The following APC2 variants were observed in gnomAD, a reference collection of about 807,000 sequenced individuals.
APC2 encodes adenomatous polyposis coli protein 2.
Under a neutral mutation model 72.5 loss-of-function variants are expected in APC2, and 41 were observed. The ratio of observed to expected loss-of-function variants is 0.57; its 90% CI spans 0.44 to 0.73. APC2 has a LOEUF of 0.73. APC2 is among the 30% of genes least tolerant of loss of function. The probability of loss-of-function intolerance (pLI) is 0.00; values close to 1 mark genes in which losing one functional copy is unlikely to be tolerated. For missense variants in APC2, 3,729 were observed against 3,403.4 expected, an observed-to-expected ratio of 1.10 and a Z score of -2.38; for synonymous variants, 1,898 against 1,612.0, an observed-to-expected ratio of 1.18 and a Z score of -4.25.
intron 14 of APC2, among the ~76,000 whole-genome samples, chr19:1,462,903 G>A (rs142435743): frequency 0.025 from 3,651 of 148,410 alleles, 166 homozygotes; most frequent in African/African-American, 0.086. Context: ...CCCGGGAGGC[G>A]GAGCTTGCAG....
At position 1,469,715 on chromosome 19, in the gene APC2, G is replaced by T. The variant is rs778683957; in HGVS notation, c.6414G>T (p.Arg2138Ser). 2 of 1,448,174 alleles carry T rather than the reference G, an allele frequency of 1.4e-6. No homozygotes were observed. Among genetic ancestry groups the T allele is most frequent in the Non-Finnish European group, 1.8e-6 (2 of 1,107,178 alleles). The allele number at this position is 1,448,174 out of a possible 1,614,324, so 89.7% of individuals were successfully genotyped here. ...ACGGGGAGCCCCGGCCGCTCCCCAG[G>T]GTGGCCGCGCCGGGCACGACCTGGC... is the stretch of plus-strand genomic sequence containing the variant. ...SSDGEPRPLP[R>S]VAAPGTTWRR... Residue 2138 changes from arginine to serine, a missense_variant, in exon 15 of 15, where the codon AGG (arginine) becomes AGT (serine). Coordinates refer to ENST00000590469, the MANE Select transcript of APC2 (RefSeq NM_005883.3).
intron 9 of APC2, 40 bp downstream of exon 9, chr19:1,457,283 C>G (rs1379803511): frequency 2.0e-6 from 3 of 1,484,922 alleles, no homozygotes; most frequent in Admixed American, 2.4e-5. Flanking sequence ...GCGCAATTAA[C>G]GTGCAGCTAG....
rs937121290 is a variant in APC2, at chr19:1,469,909, C to G, written c.6608C>G (p.Ser2203Cys). 3 of 1,522,940 alleles carry G rather than the reference C, an allele frequency of 2.0e-6. No homozygotes were observed. The highest frequency in any genetic ancestry group is 2.4e-5 in the South Asian group (2 of 83,148). The allele number at this position is 1,522,940 out of a possible 1,614,324, so 94.3% of individuals were successfully genotyped here. ...GAGGTCGCCGCCCCCAAGACCAACT[C>G]CAGCACGTCCCCGAGCCTGGAGACC... is the stretch of plus-strand genomic sequence containing the variant. ...TEEVAAPKTN[S>C]STSPSLETRE... Residue 2203 changes from serine to cysteine, a missense_variant, in exon 15 of 15, where the codon TCC becomes TGC. Ser to Cys is a moderately radical substitution (Grantham distance 112). Transcript: ENST00000590469.
At position 1,460,768 on chromosome 19, in the gene APC2, A is replaced by T; in HGVS notation, c.1444-12A>T. On this transcript the variant is annotated splice_polypyrimidine_tract_variant and intron_variant, in intron 11 of 14. Coordinates refer to ENST00000590469, the MANE Select transcript of APC2 (RefSeq NM_005883.3). ...CCCAACCCCGTGACCCCGGCTGCAT[A>T]ACCCCCAACAGGCCACCCTGTGTGC... is the stretch of plus-strand genomic sequence containing the variant. The T allele has an allele frequency of 6.2e-7, 1 of 1,611,690 alleles. No homozygotes were observed. The highest frequency in any genetic ancestry group is 8.5e-7 in the Non-Finnish European group (1 of 1,178,976).
intron 10 of APC2, chr19:1,458,291 GGGGTGA>G (rs2083870180): frequency 7.0e-6 from 4 of 569,464 alleles, no homozygotes; most frequent in African/African-American, 1.9e-5. Flanking sequence ...TGAGGCTTCG[GGGGTGA>G]CTTTCAGCCC....
chr19:1,454,600 G>A (rs1391673693), intron 4 of APC2, among the ~76,000 whole-genome samples: 1 of 128,796 alleles, frequency 7.8e-6, no homozygotes, highest in Non-Finnish European at 1.6e-5. Context: ...GTCTCGCTCT[G>A]TCGCCCAAGC....
chr19:1,461,219 G>T, intron 13 of APC2, 66 bp downstream of exon 13: 1 of 1,402,050 alleles, frequency 7.1e-7, no homozygotes. Flanking sequence ...GGCGGCAGCG[G>T]GCGAGCTCTC....
rs1444389972 is a variant in APC2, at chr19:1,457,082, C to T, written c.1046C>T (p.Ala349Val). The change falls in exon 9 of 15, where the codon GCG becomes GTG. Residue 349 changes from alanine (A) to valine (V), a missense_variant. By Grantham distance (64) the Ala-to-Val change is moderately conservative. Transcript: ENST00000590469. ...GAKDARMRAN[A>V]ALHNIVFSQP... The stretch of plus-strand genomic sequence containing the variant: ...AAGGACGCACGCATGCGCGCCAACG[C>T]GGCGCTGCACAACATCGTCTTCTCG... 1.3e-6 allele frequency: 2 copies of T among 1,562,324 alleles called. No individual in the cohort carries two copies. The highest frequency in any genetic ancestry group is 8.6e-7 in the Non-Finnish European group (1 of 1,160,318).
chr19:1,457,821 T>C (rs2083859184), intron 9 of APC2, 144 bp from the exon 10 acceptor site: 3 of 693,980 alleles, frequency 4.3e-6, no homozygotes, highest in South Asian at 1.7e-5. Flanking sequence ...TTAGAGAGGC[T>C]GGGAAAGGAA....
In APC2 at chr19:1,470,245, C is replaced by A; in HGVS notation, c.*32C>A. On this transcript the variant is annotated 3_prime_UTR_variant, in exon 15 of 15. Coordinates refer to ENST00000590469, the MANE Select transcript of APC2 (RefSeq NM_005883.3). ...AGGCCGGCCTTCTGGAACGTTCTCT[C>A]CCGGCCCTGCGGCGCGGTCTGGCTG... 6.5e-7 allele frequency: 1 copy of A among 1,539,704 alleles called. No homozygotes were observed.
rs1283759882 is a variant in APC2, at chr19:1,456,904, G to A, written c.868G>A (p.Asp290Asn). ...CATGTTGGCGACGCGCGACCAGGAG[G>A]ATACAGCGCGCACGCTGCTGGCCAT... Reference protein sequence around the residue: ...LSMLATRDQEDTARTLLAMSS... With the variant: ...LSMLATRDQENTARTLLAMSS... Residue 290 changes from aspartate (D) to asparagine (N), a missense_variant, in exon 9 of 15, where the codon GAT becomes AAT. By Grantham distance (23) the Asp-to-Asn change is conservative. Coordinates refer to ENST00000590469, the MANE Select transcript of APC2 (RefSeq NM_005883.3). The A allele has an allele frequency of 3.8e-6, 6 of 1,585,180 alleles. No individual in the cohort carries two copies. In the Admixed American group the frequency reaches 8.6e-5, roughly 23 times the overall value.
At chr19:1,461,229 C>A in intron 13 of APC2, 76 bp downstream of exon 13, 1 of 1,310,984 alleles carries the variant, frequency 7.6e-7, no homozygotes, top group African/African-American at 1.4e-5. Context: ...GGCGAGCTCT[C>A]CGACTTGGGA....
Position 1,469,018 on chromosome 19 carries a change from C to A in APC2, c.5717C>A (p.Ser1906Tyr), listed in dbSNP as rs1486294331. 6.5e-7 allele frequency: 1 copy of A among 1,549,596 alleles called. No individual in the cohort carries two copies. The highest frequency in any genetic ancestry group is 8.7e-7 in the Non-Finnish European group (1 of 1,150,888). Residue 1906 changes from serine to tyrosine, a missense_variant, in exon 15 of 15, where the codon TCC becomes TAC. Transcript: ENST00000590469. Reference sequence around the variant, plus strand: ...GGGGCCCTGCCCGGCCCCGGAGCCTCCCCGGTGCCCAAAACGCCGGCGCGC... The same window carrying A: ...GGGGCCCTGCCCGGCCCCGGAGCCTACCCGGTGCCCAAAACGCCGGCGCGC... ...AAGALPGPGA[S>Y]PVPKTPARTL...
intron 9 of APC2, 70 bp from the exon 10 acceptor site, chr19:1,457,895 C>CGGGGGGAGGGG (rs71174372): frequency 2.4e-6 from 3 of 1,251,678 alleles, no homozygotes; most frequent in African/African-American, 5.0e-5. Flanking sequence ...GGGCGGGTTG[C>CGGGGGGAGGGG]GGGACCTTCG....
rs752142648 is a variant in APC2, at chr19:1,465,942, C to A, written c.2641C>A (p.Gln881Lys). Reference sequence around the variant, plus strand: ...CAGCCTCAGCTCTGGAGACCCGGGACAGGAGGCGCCACGGGAGGGCCGCGC... The same window carrying A: ...CAGCCTCAGCTCTGGAGACCCGGGAAAGGAGGCGCCACGGGAGGGCCGCGC... The part of the protein sequence containing the change: ...SFSLSSGDPG[Q>K]EAPREGRAQS... Residue 881 changes from glutamine (Q) to lysine (K), a missense_variant, in exon 15 of 15, where the codon CAG becomes AAG. Coordinates refer to ENST00000590469, the MANE Select transcript of APC2 (RefSeq NM_005883.3). 5 of 1,580,862 alleles carry A rather than the reference C, an allele frequency of 3.2e-6. No individual in the cohort carries two copies. Among genetic ancestry groups the A allele is most frequent in the Non-Finnish European group, 4.3e-6 (5 of 1,169,152 alleles).
In APC2 at chr19:1,469,768, A is replaced by G. The variant is rs1335434290; in HGVS notation, c.6467A>G (p.His2156Arg). The change falls in exon 15 of 15, where the codon CAC becomes CGC. Residue 2156 changes from histidine to arginine, a missense_variant. Transcript: ENST00000590469. ...CGCATCCGAGATGAGGACGTGCCCC[A>G]CATCCTGCGCAGCACGCTTCCCGCC... ...WRRIRDEDVP[H>R]ILRSTLPATA... The G allele has an allele frequency of 2.0e-6, 3 of 1,500,576 alleles. No individual in the cohort carries two copies. Among genetic ancestry groups the G allele is most frequent in the Admixed American group, 2.1e-5 (1 of 47,880 alleles). The allele number at this position is 1,500,576 out of a possible 1,614,324, so 93.0% of individuals were successfully genotyped here.
intron 14 of APC2, among the ~76,000 whole-genome samples, chr19:1,463,575 C>T (rs1279535231): frequency 1.4e-5 from 2 of 144,330 alleles, no homozygotes; most frequent in Non-Finnish European, 3.0e-5. Flanking sequence ...AAGAGCAAAA[C>T]TGTCTCAAAA....
At position 1,468,894 on chromosome 19, in the gene APC2, C is replaced by T; in HGVS notation, c.5593C>T (p.Pro1865Ser). 1 of 1,521,754 alleles carries T rather than the reference C, an allele frequency of 6.6e-7. No homozygotes were observed. The highest frequency in any genetic ancestry group is 8.8e-7 in the Non-Finnish European group (1 of 1,141,606). 94.3% of individuals were successfully genotyped at this position (1,521,754 alleles called of 1,614,324 possible). Reference sequence around the variant, plus strand: ...CCAGCCCCCCAGAAGCGCCACACCGCCCGCCCGCCTCGCCAAGACCCCCTC... The same window carrying T: ...CCAGCCCCCCAGAAGCGCCACACCGTCCGCCCGCCTCGCCAAGACCCCCTC... ...LSQPPRSATP[P>S]ARLAKTPSSS... The change falls in exon 15 of 15, where the codon CCC (proline) becomes TCC (serine). Residue 1865 changes from proline (P) to serine (S), a missense_variant. Physicochemically the swap from Pro to Ser is moderately conservative, Grantham distance 74 (BLOSUM62 -1). Coordinates refer to ENST00000590469, the MANE Select transcript of APC2 (RefSeq NM_005883.3).
chr19:1,461,129 G>A lies in APC2; in HGVS notation c.1614G>A (p.Val538=). 1 of 1,611,936 alleles carries A rather than the reference G, an allele frequency of 6.2e-7. No individual in the cohort carries two copies. Among genetic ancestry groups the A allele is most frequent in the Non-Finnish European group, 8.5e-7 (1 of 1,180,002 alleles). ...LREAGSVTAL[V]QCVLRATKES... ...AGGCGGGCAGCGTGACTGCCCTGGT[G>A]CAGTGTGTCCTGCGGGCCACCAAGG... The change falls in exon 13 of 15, where the codon GTG becomes GTA. Residue 538 remains valine, a synonymous_variant. Transcript: ENST00000590469.
Sources: gnomAD v4.1 joint callset for allele counts (sites outside exome capture counted in the v4.1 genomes callset) on GRCh38, gnomAD v4.1.1 for gene constraint, MANE v1.5 for transcripts, NCBI Gene and HGNC (gene_info 2026-07-23, HGNC 2026-07-21) for gene names.